Variants in RGS6 observed in about 807,000 individuals in gnomAD.
The protein encoded by RGS6 is regulator of G protein signaling 6.
In RGS6, 30 loss-of-function variants were observed where a neutral mutation model predicts 78.5. That is an observed-to-expected ratio of 0.38 (90% CI 0.29 to 0.52). The LOEUF is 0.52. Ranked by LOEUF, RGS6 falls within the 20% of genes least tolerant of loss-of-function variation. RGS6 has a pLI of 0.85. For synonymous variants in RGS6, 206 were observed against 206.0 expected (o/e 1.00, Z 0.00); for missense variants, 495 against 609.7 (o/e 0.81, Z 1.98).
At chr14:72,093,897 G>T (rs1420736519) in intron 2 of RGS6, among the ~76,000 whole-genome samples, 1 of 152,096 alleles carries the variant, frequency 6.6e-6, no homozygotes, top group Non-Finnish European at 1.5e-5. Flanking sequence ...ACTGAGCCAG[G>T]TTCTAGAGGT....
the RGS6 span, among the ~76,000 whole-genome samples, chr14:72,611,898 T>G: frequency 2.4e-3 from 369 of 152,126 alleles, 5 homozygotes; most frequent in Non-Finnish European, 3.2e-4. Context: ...ACTTACACCT[T>G]CCGTGATGGC....
intron 3 of RGS6, among the ~76,000 whole-genome samples, chr14:72,375,094 A>G (rs1215709596): frequency 1.3e-5 from 2 of 152,248 alleles, no homozygotes; most frequent in Non-Finnish European, 2.9e-5. Flanking sequence ...ATAATATGAA[A>G]GAGAGGTTAA....
chr14:72,481,208 T>C (rs1024235444), intron 12 of RGS6, among the ~76,000 whole-genome samples: 4 of 152,158 alleles, frequency 2.6e-5, no homozygotes, highest in African/African-American at 9.7e-5. Context: ...AGTTCATGCA[T>C]GGCAAAAGTA....
At chr14:72,376,029 A>G (rs532567718) in intron 3 of RGS6, among the ~76,000 whole-genome samples, 20 of 152,350 alleles carry the variant, frequency 1.3e-4, no homozygotes, top group African/African-American at 4.6e-4. Context: ...TCATAAGGAA[A>G]TAAATGAAAT....
chr14:72,544,349 G>C (rs2097364497), intron 17 of RGS6, among the ~76,000 whole-genome samples: 1 of 152,222 alleles, frequency 6.6e-6, no homozygotes. Flanking sequence ...GCAGCCCCGA[G>C]TGAGGCTGGT....
intron 3 of RGS6, among the ~76,000 whole-genome samples, chr14:72,432,066 C>A (rs1005372478): frequency 1.3e-5 from 2 of 152,202 alleles, no homozygotes. Flanking sequence ...ACAGTAGAAG[C>A]TAGAAATCTT....
At chr14:72,281,669 G>T (rs917912509) in intron 2 of RGS6, among the ~76,000 whole-genome samples, 21 of 152,190 alleles carry the variant, frequency 1.4e-4, no homozygotes, top group African/African-American at 5.1e-4. Context: ...GGAATGGGAA[G>T]GAGGCAGATC....
chr14:71,938,948 G>A (rs545049856), intron 1 of RGS6, among the ~76,000 whole-genome samples: 2 of 152,146 alleles, frequency 1.3e-5, no homozygotes, highest in Non-Finnish European at 2.9e-5. Flanking sequence ...CCTGCCAAAG[G>A]CTCCAAACAG....
chr14:71,954,545 T>C (rs1460937150), intron 1 of RGS6, among the ~76,000 whole-genome samples: 1 of 152,156 alleles, frequency 6.6e-6, no homozygotes, highest in African/African-American at 2.4e-5. Context: ...AAATAGGGTG[T>C]CCATCCCCTC....
At chr14:72,317,858 A>T (rs1454488834) in intron 2 of RGS6, among the ~76,000 whole-genome samples, 3 of 152,214 alleles carry the variant, frequency 2.0e-5, no homozygotes, top group Non-Finnish European at 4.4e-5. Flanking sequence ...AAGTAGTATT[A>T]ACTTACACGA....
rs564209002 is a variant in RGS6, at chr14:72,429,576, A to G, written c.185-24952A>G. ...AGGGGGAATGGGAATTTGAGGAGAAACATATCATTCATCAGAACTTAAATC... is the reference window on the plus strand; with the variant it reads ...AGGGGGAATGGGAATTTGAGGAGAAGCATATCATTCATCAGAACTTAAATC... On this transcript the variant is annotated intron_variant, in intron 3 of 17. Transcript: ENST00000553525. Among the ~76,000 whole-genome samples, 15 of 152,280 alleles carry G rather than the reference A, an allele frequency of 9.9e-5. No homozygotes were observed. The East Asian group carries it at 2.9e-3, about 29-fold the overall frequency.
At chr14:72,573,692 T>C in the RGS6 span, among the ~76,000 whole-genome samples, 2 of 152,192 alleles carry the variant, frequency 1.3e-5, no homozygotes, top group Non-Finnish European at 2.9e-5. Context: ...GTGGCCTGAC[T>C]GCGGCCAGAA....
chr14:72,151,526 G>C (rs1004314287), intron 2 of RGS6, among the ~76,000 whole-genome samples: 4 of 152,150 alleles, frequency 2.6e-5, no homozygotes, highest in Non-Finnish European at 4.4e-5. Flanking sequence ...AGACTAGCAT[G>C]GGGGAAAAAA....
At chr14:71,998,454 A>C (rs554776970) in intron 2 of RGS6, among the ~76,000 whole-genome samples, 41 of 152,366 alleles carry the variant, frequency 2.7e-4, no homozygotes, top group African/African-American at 9.6e-4. Flanking sequence ...CTAAGGTCAG[A>C]GTACATCCCT....
chr14:72,623,823 T>G, the RGS6 span, among the ~76,000 whole-genome samples: 1 of 152,194 alleles, frequency 6.6e-6, no homozygotes, highest in African/African-American at 2.4e-5. Context: ...CCATATTATG[T>G]TCTCTAAAGA....
At chr14:72,603,663 G>A in the RGS6 span, among the ~76,000 whole-genome samples, 2 of 152,132 alleles carry the variant, frequency 1.3e-5, no homozygotes, top group Non-Finnish European at 1.5e-5. Context: ...AGCTGACAAC[G>A]AGCAGGGAGC....
intron 1 of RGS6, among the ~76,000 whole-genome samples, chr14:71,943,923 A>T (rs2152967801): frequency 6.6e-6 from 1 of 152,248 alleles, no homozygotes; most frequent in Non-Finnish European, 1.5e-5. Context: ...ATGAGTGTGG[A>T]TGCAAGGTGC....
the RGS6 span, among the ~76,000 whole-genome samples, chr14:72,624,637 C>T: frequency 1.3e-5 from 2 of 152,210 alleles, no homozygotes; most frequent in Non-Finnish European, 2.9e-5. Context: ...CCACGCCCGG[C>T]CCCCAACCTA....
intron 3 of RGS6, among the ~76,000 whole-genome samples, chr14:72,413,919 A>G (rs1048994115): frequency 7.2e-5 from 11 of 152,126 alleles, no homozygotes; most frequent in African/African-American, 2.7e-4. Context: ...TGGCTTGTAG[A>G]GTTTCTGCTG....
Sources: gnomAD v4.1 joint callset for allele counts (sites outside exome capture counted in the v4.1 genomes callset) on GRCh38, gnomAD v4.1.1 for gene constraint, MANE v1.5 for transcripts, NCBI Gene and HGNC (gene_info 2026-07-23, HGNC 2026-07-21) for gene names.